The following WHRN variants were observed in gnomAD, a reference collection of about 807,000 sequenced individuals.
The protein encoded by WHRN is whirlin.
WHRN carries 41 observed loss-of-function variants against 68.3 expected under a neutral mutation model. The ratio of observed to expected loss-of-function variants is 0.60; its 90% confidence interval spans 0.47 to 0.78. WHRN has a LOEUF of 0.78. WHRN is among the 30% of genes least tolerant of loss of function. WHRN has a pLI of 0.00. For missense variants in WHRN, 1,243 were observed against 1,244.7 expected, an observed-to-expected ratio of 1.00 and a Z score of 0.02; for synonymous variants, 560 against 561.3, an observed-to-expected ratio of 1.00 and a Z score of 0.03.
chr9:114,412,929 C>G (rs1835553861), intron 7 of WHRN, among the ~76,000 whole-genome samples: 1 of 152,232 alleles, frequency 6.6e-6, no homozygotes. Flanking sequence ...TTCCGGGTTT[C>G]TAGGCCTCCT....
chr9:114,419,321 A>G (rs1220809166), intron 7 of WHRN, among the ~76,000 whole-genome samples: 2 of 152,212 alleles, frequency 1.3e-5, no homozygotes, highest in Admixed American at 6.5e-5. Context: ...GCACTACCAC[A>G]GTGTCATAGA....
chr9:114,443,126 C>T (rs1838522412), intron 3 of WHRN, among the ~76,000 whole-genome samples: 1 of 152,134 alleles, frequency 6.6e-6, no homozygotes, highest in Non-Finnish European at 1.5e-5. Context: ...CTGTTGCGGC[C>T]AGCACCAAAC....
chr9:114,456,602 C>T (rs10759706), intron 3 of WHRN, among the ~76,000 whole-genome samples: 113,255 of 151,688 alleles, frequency 0.75, 42,461 homozygotes, highest in East Asian at 0.96. Context: ...CTGAGGTGGG[C>T]GAATCACTTG....
chr9:114,479,698 G>A (rs1841951399), intron 1 of WHRN, among the ~76,000 whole-genome samples: 1 of 152,212 alleles, frequency 6.6e-6, no homozygotes, highest in Non-Finnish European at 1.5e-5. Flanking sequence ...GGGGACTGCA[G>A]AGGGGAAGGA....
In WHRN at chr9:114,504,942, G is replaced by T; in HGVS notation, c.-141C>A. ...CCTGGGTTTGGGGAGCACGGGTACA[G>T]TGGCTGGATCCTAGGGGGTCGCGGA... On this transcript the variant is annotated 5_prime_UTR_variant, in exon 1 of 12. The change creates a new upstream start codon in the 5' untranslated region. Transcript: ENST00000362057. 8.1e-7 allele frequency: 1 copy of T among 1,228,548 alleles called. No individual in the cohort carries two copies. The highest frequency in any genetic ancestry group is 3.2e-5 in the East Asian group (1 of 30,948). The allele number at this position is 1,228,548 out of a possible 1,614,324, so 76.1% of individuals were successfully genotyped here.
chr9:114,415,922 T>A (rs1053431022), intron 7 of WHRN, among the ~76,000 whole-genome samples: 1 of 151,028 alleles, frequency 6.6e-6, no homozygotes, highest in Non-Finnish European at 1.5e-5. Flanking sequence ...AAAAGCTGGT[T>A]TGACAGTGAG....
At chr9:114,464,816 AATGATGATGATGATG>A (rs10523063) in intron 3 of WHRN, among the ~76,000 whole-genome samples, 5,622 of 144,764 alleles carry the variant, frequency 0.039, 346 homozygotes, top group African/African-American at 0.14. Context: ...TTATGTCCAT[AATGATGATGATGATG>A]ATGATGATGA....
At chr9:114,404,381 C>A (rs1489276945) in intron 9 of WHRN, among the ~76,000 whole-genome samples, 1 of 152,262 alleles carries the variant, frequency 6.6e-6, no homozygotes, top group Non-Finnish European at 1.5e-5. Flanking sequence ...GGAGGCAAAC[C>A]TAGCCCACAG....
intron 1 of WHRN, among the ~76,000 whole-genome samples, chr9:114,487,121 T>C (rs1356485529): frequency 6.7e-6 from 1 of 148,628 alleles, no homozygotes; most frequent in Non-Finnish European, 1.5e-5. Flanking sequence ...GTTCTGATTA[T>C]TAAATTAGTC....
intron 3 of WHRN, among the ~76,000 whole-genome samples, chr9:114,451,675 C>G (rs1839350668): frequency 6.6e-6 from 1 of 151,962 alleles, no homozygotes; most frequent in Non-Finnish European, 1.5e-5. Context: ...TGTCCCTCCC[C>G]CAGTCTGCCT....
chr9:114,497,182 T>C (rs796952662), intron 1 of WHRN, among the ~76,000 whole-genome samples: 3 of 152,308 alleles, frequency 2.0e-5, no homozygotes, highest in African/African-American at 7.2e-5. Flanking sequence ...AAGAGGACAT[T>C]TGGGGACCTG....
intron 3 of WHRN, among the ~76,000 whole-genome samples, chr9:114,431,533 T>C (rs1305674891): frequency 6.6e-6 from 1 of 152,180 alleles, no homozygotes; most frequent in African/African-American, 2.4e-5. Flanking sequence ...GCTTAGGAAA[T>C]AGTGAATGGA....
intron 3 of WHRN, 105 bp downstream of exon 3, chr9:114,466,162 C>A: frequency 6.4e-7 from 1 of 1,564,398 alleles, no homozygotes; most frequent in Non-Finnish European, 8.7e-7. Flanking sequence ...CCAGCTGGGA[C>A]CAGTCCTCAA....
intron 2 of WHRN, chr9:114,478,174 G>C: frequency 1.6e-6 from 1 of 607,078 alleles, no homozygotes; most frequent in Non-Finnish European, 3.0e-6. Flanking sequence ...TGTAATCCCA[G>C]CTACTCAGGA....
chr9:114,407,928 G>C lies in WHRN; in HGVS notation c.1698+19C>G. 1 of 1,589,230 alleles carries C rather than the reference G, an allele frequency of 6.3e-7. No homozygotes were observed. Among genetic ancestry groups the C allele is most frequent in the Non-Finnish European group, 8.6e-7 (1 of 1,166,074 alleles). On this transcript the variant is annotated intron_variant, in intron 8 of 11. Transcript: ENST00000362057. ...GCACACCAGGGAGAGCAGAACCAAAGGGCCAGCCAGGGCCTTACCACGGAC... is the reference window on the plus strand; with the variant it reads ...GCACACCAGGGAGAGCAGAACCAAACGGCCAGCCAGGGCCTTACCACGGAC...
intron 2 of WHRN, among the ~76,000 whole-genome samples, chr9:114,474,626 C>T (rs961743438): frequency 1.3e-5 from 2 of 152,182 alleles, no homozygotes; most frequent in African/African-American, 4.8e-5. Context: ...TAAAATGCTG[C>T]CTCCTCCAGG....
chr9:114,455,505 G>A (rs980786089), intron 3 of WHRN, among the ~76,000 whole-genome samples: 4 of 152,096 alleles, frequency 2.6e-5, no homozygotes, highest in African/African-American at 9.7e-5. Flanking sequence ...GAGCCCAGGA[G>A]TTCAAGACCA....
chr9:114,455,502 G>A (rs1839704267), intron 3 of WHRN, among the ~76,000 whole-genome samples: 1 of 152,056 alleles, frequency 6.6e-6, no homozygotes, highest in African/African-American at 2.4e-5. Flanking sequence ...CTTGAGCCCA[G>A]GAGTTCAAGA....
chr9:114,402,369 G>A lies in WHRN; in HGVS notation c.*385C>T, dbSNP rs771263036. 4.2e-5 allele frequency: 12 copies of A among 284,042 alleles called. No homozygotes were observed. The highest frequency in any genetic ancestry group is 1.7e-4 in the East Asian group (2 of 12,108). 17.6% of individuals were successfully genotyped at this position (284,042 alleles called of 1,614,324 possible). A position where few individuals can be genotyped will look rare whatever the true frequency, so the allele number is the denominator to read the frequency against. On this transcript the variant is annotated 3_prime_UTR_variant, in exon 12 of 12. Transcript: ENST00000362057. Reference sequence around the variant, plus strand: ...CTGGGGGCCGTGTCCATGAATTCTCGAGTGACCTCACTTTGGACAAAGGCT... The same window carrying A: ...CTGGGGGCCGTGTCCATGAATTCTCAAGTGACCTCACTTTGGACAAAGGCT...
Sources: gnomAD v4.1 joint callset for allele counts (sites outside exome capture counted in the v4.1 genomes callset) on GRCh38, gnomAD v4.1.1 for gene constraint, MANE v1.5 for transcripts, NCBI Gene and HGNC (gene_info 2026-07-23, HGNC 2026-07-21) for gene names.